RGS5: variants seen among roughly 807,000 people sequenced by gnomAD.
The protein encoded by RGS5 is regulator of G-protein signalling 5.
RGS5 carries 20 observed loss-of-function variants against 18.9 expected under a neutral mutation model. The ratio of observed to expected loss-of-function variants is 1.06; its 90% CI spans 0.74 to 1.54. The LOEUF (loss-of-function observed/expected upper bound fraction) is 1.54. Among genes scored for constraint, RGS5 ranks in the 40% most tolerant of loss-of-function variants. RGS5 has a pLI of 0.00. For missense variants in RGS5, 201 were observed against 211.8 expected, an observed-to-expected ratio of 0.95 and a Z score of 0.32; for synonymous variants, 57 against 76.2, an observed-to-expected ratio of 0.75 and a Z score of 1.31.
chr1:163,201,932 C>G (rs1240767403), intron 1 of RGS5, among the ~76,000 whole-genome samples: 1 of 152,186 alleles, frequency 6.6e-6, no homozygotes. Flanking sequence ...ATCCCTACTT[C>G]TCTCCATCAG....
chr1:163,225,145 A>G (rs960488500), intron 2 of RGS5, among the ~76,000 whole-genome samples: 2 of 152,000 alleles, frequency 1.3e-5, no homozygotes, highest in African/African-American at 2.4e-5. Context: ...TTTTTCCTCT[A>G]TGTTTCATAG....
chr1:163,283,272 A>G (rs1169751520), intron 2 of RGS5, among the ~76,000 whole-genome samples: 1 of 152,170 alleles, frequency 6.6e-6, no homozygotes, highest in Non-Finnish European at 1.5e-5. Flanking sequence ...TCAAAATCCT[A>G]GAAGACAGGA....
intron 4 of RGS5, among the ~76,000 whole-genome samples, chr1:163,148,880 G>C (rs1472862198): frequency 6.6e-6 from 1 of 152,216 alleles, no homozygotes; most frequent in East Asian, 1.9e-4. Context: ...ATCAGCCTAT[G>C]GTTGTGAATT....
intron 2 of RGS5, chr1:163,248,161 C>G (rs954791022): frequency 6.6e-6 from 1 of 152,112 alleles, no homozygotes; most frequent in Non-Finnish European, 1.5e-5. Context: ...TTTATTAGAT[C>G]TGGTAAAGCC....
At chr1:163,200,732 C>A (rs1659743442) in intron 1 of RGS5, among the ~76,000 whole-genome samples, 1 of 152,064 alleles carries the variant, frequency 6.6e-6, no homozygotes. Flanking sequence ...GCGTATTCTA[C>A]CACATCCCAA....
At chr1:163,219,508 A>G (rs766124076), upstream of RGS5, among the ~76,000 whole-genome samples, 8 of 152,144 alleles carry the variant, frequency 5.3e-5, no homozygotes, top group Non-Finnish European at 7.3e-5. Context: ...CAGTGTGTTC[A>G]CAAGATCTAA....
At chr1:163,303,069 T>C (rs2101643466) in intron 2 of RGS5, among the ~76,000 whole-genome samples, 1 of 152,356 alleles carries the variant, frequency 6.6e-6, no homozygotes, top group East Asian at 1.9e-4. Flanking sequence ...GTAAGAATGC[T>C]AGATTTTGAA....
At chr1:163,281,143 T>A (rs1309866918) in intron 2 of RGS5, among the ~76,000 whole-genome samples, 1 of 152,150 alleles carries the variant, frequency 6.6e-6, no homozygotes, top group African/African-American at 2.4e-5. Flanking sequence ...CTGTCATCCA[T>A]GTAAGATGTG....
At chr1:163,261,494 T>C (rs1396513179) in intron 2 of RGS5, among the ~76,000 whole-genome samples, 1 of 152,068 alleles carries the variant, frequency 6.6e-6, no homozygotes. Flanking sequence ...TGGGCTTACA[T>C]CAGAGAAAAA....
At chr1:163,151,682 C>A (rs548004267) in intron 4 of RGS5, among the ~76,000 whole-genome samples, 38 of 152,290 alleles carry the variant, frequency 2.5e-4, no homozygotes, top group Non-Finnish European at 4.6e-4. Flanking sequence ...TGAAGAGGTG[C>A]CTTCTGTCTG....
intron 2 of RGS5, among the ~76,000 whole-genome samples, chr1:163,251,534 T>C (rs1429014031): frequency 3.3e-5 from 5 of 152,148 alleles, no homozygotes; most frequent in African/African-American, 1.2e-4. Flanking sequence ...TCCTTGGACT[T>C]CTCATCTTTT....
intron 1 of RGS5, among the ~76,000 whole-genome samples, chr1:163,309,451 CAAT>C (rs1199659076): frequency 6.6e-6 from 1 of 152,072 alleles, no homozygotes; most frequent in Non-Finnish European, 1.5e-5. Context: ...GTCATTTCAA[CAAT>C]GTTTAGAGAA....
At chr1:163,213,575 TG>T (rs1255309047) in intron 1 of RGS5, among the ~76,000 whole-genome samples, 1 of 152,222 alleles carries the variant, frequency 6.6e-6, no homozygotes, top group Non-Finnish European at 1.5e-5. Context: ...TGGCATTATG[TG>T]GCTACTGTTT....
chr1:163,273,572 T>C (rs1648776580), intron 2 of RGS5, among the ~76,000 whole-genome samples: 3 of 152,124 alleles, frequency 2.0e-5, no homozygotes, highest in Admixed American at 2.0e-4. Flanking sequence ...TTGGGGTCAT[T>C]GCTATCATAC....
At chr1:163,268,749 C>A (rs1368748447) in intron 2 of RGS5, among the ~76,000 whole-genome samples, 1 of 152,132 alleles carries the variant, frequency 6.6e-6, no homozygotes, top group African/African-American at 2.4e-5. Flanking sequence ...TGAGAAAACA[C>A]CAGTAAAGGC....
upstream of RGS5, chr1:163,217,772 C>T (rs41271999): frequency 5.2e-6 from 4 of 766,820 alleles, no homozygotes; most frequent in Non-Finnish European, 5.8e-6. Context: ...TTGTGCGAAA[C>T]TTCTGATATG....
chr1:163,254,685 C>G (rs1648220529), intron 2 of RGS5, among the ~76,000 whole-genome samples: 1 of 152,154 alleles, frequency 6.6e-6, no homozygotes, highest in Non-Finnish European at 1.5e-5. Flanking sequence ...GCTTTTGTTG[C>G]CATTGCTTTT....
chr1:163,284,761 C>T (rs1324742261), intron 2 of RGS5, among the ~76,000 whole-genome samples: 1 of 152,024 alleles, frequency 6.6e-6, no homozygotes, highest in Admixed American at 6.6e-5. Flanking sequence ...CTCCAGCTCC[C>T]TCTCTTTGTC....
chr1:163,249,784 C>G (rs547339427), intron 2 of RGS5, among the ~76,000 whole-genome samples: 1 of 151,958 alleles, frequency 6.6e-6, no homozygotes, highest in Non-Finnish European at 1.5e-5. Flanking sequence ...GAGCAAGACT[C>G]CATCTCAAAA....
Sources: gnomAD v4.1 joint callset for allele counts (sites outside exome capture counted in the v4.1 genomes callset) on GRCh38, gnomAD v4.1.1 for gene constraint, MANE v1.5 for transcripts, NCBI Gene and HGNC (gene_info 2026-07-23, HGNC 2026-07-21) for gene names.